Variants in CAST observed in about 807,000 individuals in gnomAD.
The protein encoded by CAST is calpastatin, also known as MIR583 host.
Under a neutral mutation model 119.6 loss-of-function variants are expected in CAST, and 76 were observed. The ratio of observed to expected loss-of-function variants is 0.64; its 90% CI spans 0.53 to 0.77. The LOEUF is 0.77. Among genes scored for constraint, CAST ranks in the 30% least tolerant of loss-of-function variants. The pLI is 0.00. For synonymous variants in CAST, 319 were observed against 331.6 expected (o/e 0.96, Z 0.41); for missense variants, 953 against 946.5 (o/e 1.01, Z -0.09).
At chr5:96,113,554 TA>T in the CAST span, among the ~76,000 whole-genome samples, 1 of 152,238 alleles carries the variant, frequency 6.6e-6, no homozygotes, top group African/African-American at 2.4e-5. Context: ...TTTAGGAACT[TA>T]GTGCCATTAG....
Position 96,695,902 on chromosome 5 carries a change from A to G in CAST, c.205A>G (p.Thr69Ala), listed in dbSNP as rs1242178729. 6.2e-7 allele frequency: 1 copy of G among 1,611,416 alleles called. No homozygotes were observed. Among genetic ancestry groups the G allele is most frequent in the Admixed American group, 1.7e-5 (1 of 59,928 alleles). The change falls in exon 3 of 32, where the codon ACC becomes GCC. Residue 69 changes from threonine (T) to alanine (A), a missense_variant. Physicochemically the swap from Thr to Ala is moderately conservative, Grantham distance 58 (BLOSUM62 0). Coordinates refer to ENST00000675179, the MANE Select transcript of CAST (RefSeq NM_001750.7). ...RTYAGGTASA[T>A]KVSASSGATS... ...CTATGCTGGTGGAACAGCCTCGGCC[A>G]CCAAGGTCAGTGATTTCCTGAACAC... is the stretch of plus-strand genomic sequence containing the variant.
chr5:96,202,930 A>G, the CAST span, among the ~76,000 whole-genome samples: 4 of 152,090 alleles, frequency 2.6e-5, no homozygotes, highest in Non-Finnish European at 5.9e-5. Context: ...TTTTAAAGAT[A>G]ATAATTTTTA....
At chr5:96,339,107 G>A in the CAST span, among the ~76,000 whole-genome samples, 3 of 152,080 alleles carry the variant, frequency 2.0e-5, no homozygotes, top group Non-Finnish European at 2.9e-5. Context: ...CCAGCTTTAC[G>A]GGTGATTATT....
the CAST span, among the ~76,000 whole-genome samples, chr5:96,045,930 G>A: frequency 6.6e-6 from 1 of 152,154 alleles, no homozygotes; most frequent in Admixed American, 6.5e-5. Flanking sequence ...TGACAAGGGG[G>A]TATGTTACTT....
chr5:96,334,871 A>G, the CAST span, among the ~76,000 whole-genome samples: 2 of 152,154 alleles, frequency 1.3e-5, no homozygotes, highest in African/African-American at 2.4e-5. Flanking sequence ...ATCAAAAATG[A>G]TATCTAAATT....
intron 1 of CAST, among the ~76,000 whole-genome samples, chr5:96,649,645 G>A (rs1170423344): frequency 1.3e-5 from 2 of 152,220 alleles, no homozygotes; most frequent in Non-Finnish European, 2.9e-5. Flanking sequence ...CTGGATTCTA[G>A]TTTTCCACCA....
At chr5:96,204,231 T>C in the CAST span, among the ~76,000 whole-genome samples, 5 of 151,988 alleles carry the variant, frequency 3.3e-5, no homozygotes, top group Admixed American at 3.3e-4. Context: ...CCTTCCCTCA[T>C]AGGTTTCATC....
intron 2 of CAST, among the ~76,000 whole-genome samples, chr5:96,690,267 TG>T (rs1752576216): frequency 6.6e-6 from 1 of 152,302 alleles, no homozygotes; most frequent in East Asian, 1.9e-4. Context: ...GGTCTTGCTC[TG>T]TTGCCCAGGC....
At chr5:96,202,386 T>C in the CAST span, among the ~76,000 whole-genome samples, 2 of 152,082 alleles carry the variant, frequency 1.3e-5, no homozygotes, top group African/African-American at 2.4e-5. Flanking sequence ...GACATTATGA[T>C]TCAGAATTAT....
chr5:96,207,638 G>A, the CAST span, among the ~76,000 whole-genome samples: 3 of 152,124 alleles, frequency 2.0e-5, no homozygotes, highest in East Asian at 5.8e-4. Context: ...TGCATTCCAG[G>A]GATAAAGCCT....
At chr5:96,060,860 G>T in the CAST span, among the ~76,000 whole-genome samples, 1 of 152,102 alleles carries the variant, frequency 6.6e-6, no homozygotes, top group Non-Finnish European at 1.5e-5. Flanking sequence ...CACTGTTCTG[G>T]TAGCTAGAAG....
the CAST span, among the ~76,000 whole-genome samples, chr5:96,286,168 T>G: frequency 1.3e-5 from 2 of 152,208 alleles, no homozygotes; most frequent in African/African-American, 4.8e-5. Flanking sequence ...GTAATGGAAT[T>G]CAAATTAATT....
the CAST span, among the ~76,000 whole-genome samples, chr5:96,346,320 C>A: frequency 2.6e-5 from 4 of 152,134 alleles, no homozygotes; most frequent in Non-Finnish European, 5.9e-5. Flanking sequence ...TATTAGCTTG[C>A]AAGTACCTGT....
chr5:96,209,206 A>T, the CAST span, among the ~76,000 whole-genome samples: 3 of 151,424 alleles, frequency 2.0e-5, no homozygotes, highest in Non-Finnish European at 3.0e-5. Context: ...CTTTGAGCTT[A>T]TTGGGTCATT....
At chr5:96,420,064 G>A in the CAST span, among the ~76,000 whole-genome samples, 19 of 152,250 alleles carry the variant, frequency 1.2e-4, no homozygotes, top group Middle Eastern at 3.4e-3. Flanking sequence ...CAGATTTCCC[G>A]TAGTCTTAAC....
At chr5:96,233,632 C>A in the CAST span, among the ~76,000 whole-genome samples, 14 of 152,184 alleles carry the variant, frequency 9.2e-5, no homozygotes, top group African/African-American at 3.1e-4. Flanking sequence ...CTCTCCTTGA[C>A]AGATGGATGA....
At chr5:96,136,186 A>G in the CAST span, among the ~76,000 whole-genome samples, 1 of 152,292 alleles carries the variant, frequency 6.6e-6, no homozygotes. Flanking sequence ...ATTTTTGTCA[A>G]TAAGTGCTGT....
At chr5:96,662,337 C>A, upstream of CAST, 1 of 1,256,268 alleles carries the variant, frequency 8.0e-7, no homozygotes, top group Non-Finnish European at 1.0e-6. Context: ...CCCTCCCTCC[C>A]TCTCTCCCTG....
the CAST span, among the ~76,000 whole-genome samples, chr5:96,152,489 G>C: frequency 6.6e-6 from 1 of 152,172 alleles, no homozygotes; most frequent in Non-Finnish European, 1.5e-5. Context: ...TCCTAGGAGA[G>C]GAAGACTGAC....
Sources: allele counts gnomAD v4.1 joint callset (sites outside exome capture counted in the v4.1 genomes callset), GRCh38; gene constraint gnomAD v4.1.1; transcripts MANE v1.5; gene names NCBI Gene and HGNC (gene_info 2026-07-23, HGNC 2026-07-21).